PLCB1: variants seen among roughly 807,000 people sequenced by gnomAD.
PLCB1 encodes the protein phospholipase C beta 1, also known as 1-phosphatidylinositol 4,5-bisphosphate phosphodiesterase beta-1.
A neutral mutation model predicts 161.8 loss-of-function variants in PLCB1; 46 were observed. The ratio of observed to expected loss-of-function variants is 0.28; its 90% CI spans 0.22 to 0.36. The LOEUF is 0.36. PLCB1 is among the 10% of genes least tolerant of loss of function. PLCB1 has a pLI of 1.00. For synonymous variants in PLCB1, 517 were observed against 503.7 expected (o/e 1.03, Z -0.35); for missense variants, 1,016 against 1,472.5 (o/e 0.69, Z 5.07).
chr20:8,416,985 G>A (rs1331696814), intron 3 of PLCB1, among the ~76,000 whole-genome samples: 1 of 116,472 alleles, frequency 8.6e-6, no homozygotes, highest in Non-Finnish European at 1.7e-5. Flanking sequence ...CGCTTCAGCT[G>A]TAAACACATA....
chr20:8,512,225 T>C (rs17363289), intron 3 of PLCB1, among the ~76,000 whole-genome samples: 4 of 152,190 alleles, frequency 2.6e-5, no homozygotes, highest in Non-Finnish European at 5.9e-5. Flanking sequence ...TACGTTCTGA[T>C]TCATTGAAAT....
At chr20:8,493,265 A>G (rs1465569465) in intron 3 of PLCB1, among the ~76,000 whole-genome samples, 2 of 152,170 alleles carry the variant, frequency 1.3e-5, no homozygotes, top group Non-Finnish European at 2.9e-5. Context: ...TTTTTATTCT[A>G]TCATTTGGCT....
chr20:8,571,829 G>T (rs974890433), intron 3 of PLCB1, among the ~76,000 whole-genome samples: 1 of 152,106 alleles, frequency 6.6e-6, no homozygotes, highest in South Asian at 2.1e-4. Flanking sequence ...TTTAAAGCTC[G>T]GGGTGTCTGT....
chr20:8,375,625 A>T (rs1600354203), intron 3 of PLCB1, among the ~76,000 whole-genome samples: 1 of 152,182 alleles, frequency 6.6e-6, no homozygotes, highest in Admixed American at 6.5e-5. Context: ...CTTCAGCCTC[A>T]TGATTCTCAG....
intron 3 of PLCB1, among the ~76,000 whole-genome samples, chr20:8,572,509 A>ACCG (rs1231575740): frequency 2.0e-5 from 3 of 152,150 alleles, no homozygotes; most frequent in Non-Finnish European, 4.4e-5. Flanking sequence ...AGATGTGAGA[A>ACCG]CCTGGAGATG....
chr20:8,173,131 C>G (rs1396871937), intron 2 of PLCB1, among the ~76,000 whole-genome samples: 2 of 152,156 alleles, frequency 1.3e-5, no homozygotes, highest in African/African-American at 4.8e-5. Context: ...GTTGTACCAG[C>G]AAAAGGGGGC....
At chr20:8,663,216 C>G (rs1989729388) in intron 9 of PLCB1, among the ~76,000 whole-genome samples, 1 of 151,662 alleles carries the variant, frequency 6.6e-6, no homozygotes, top group African/African-American at 2.4e-5. Flanking sequence ...TAGATATACA[C>G]ACAACATATA....
At chr20:8,256,116 G>A (rs1459068627) in intron 2 of PLCB1, among the ~76,000 whole-genome samples, 2 of 151,962 alleles carry the variant, frequency 1.3e-5, no homozygotes, top group Non-Finnish European at 2.9e-5. Flanking sequence ...AGTCAACTAA[G>A]GACACATTTC....
In PLCB1 at chr20:8,883,801, AACTT is replaced by A. The variant is rs78940282; in HGVS notation, c.*1954_*1957del. The A allele has an allele frequency of 0.18, 27,231 of 152,346 alleles. 2,463 individuals carry two copies. The highest frequency in any genetic ancestry group is 0.27 in the South Asian group (1,289 of 4,810). The allele number at this position is 152,346 out of a possible 1,614,324, so 9.4% of individuals were successfully genotyped here. ...GGGGTGTTCATTAGACACTTAATAAAACTTAACTTCCAATGAAAAAGAAATCTTT... is the reference window on the plus strand; with the variant it reads ...GGGGTGTTCATTAGACACTTAATAAAAACTTCCAATGAAAAAGAAATCTTT... On this transcript the variant is annotated 3_prime_UTR_variant, in exon 32 of 32. Coordinates refer to ENST00000338037, the MANE Select transcript of PLCB1 (RefSeq NM_015192.4).
chr20:8,856,058 C>T (rs1987056276), intron 31 of PLCB1, among the ~76,000 whole-genome samples: 1 of 152,074 alleles, frequency 6.6e-6, no homozygotes, highest in African/African-American at 2.4e-5. Flanking sequence ...CTGGTTTCTC[C>T]CCCTCTGGTA....
At chr20:8,172,996 A>G (rs1400655746) in intron 2 of PLCB1, among the ~76,000 whole-genome samples, 1 of 152,204 alleles carries the variant, frequency 6.6e-6, no homozygotes, top group Non-Finnish European at 1.5e-5. Flanking sequence ...GCCCAGCACC[A>G]TTGGCAAAGG....
intron 31 of PLCB1, among the ~76,000 whole-genome samples, chr20:8,810,855 T>C (rs913763071): frequency 5.9e-5 from 9 of 152,212 alleles, no homozygotes; most frequent in Admixed American, 5.2e-4. Context: ...TCCCAGCTAC[T>C]TGGGGGGCTG....
rs75634201 is a variant in PLCB1 at position 8,708,173 on chromosome 20, A to G, written c.1168-497A>G. The stretch of plus-strand genomic sequence containing the variant: ...ACTGTACACTTTCAATGGGCAGATT[A>G]TATCTCAAAAAAGTCACATCTCAAT... On this transcript the variant is annotated intron_variant, in intron 11 of 31. Transcript: ENST00000338037. Among the ~76,000 whole-genome samples the G allele has an allele frequency of 6.7e-3, 1,025 of 152,278 alleles. 15 individuals carry two copies. Among genetic ancestry groups the G allele is most frequent in the African/African-American group, 0.023 (959 of 41,548 alleles).
At chr20:8,845,874 G>A (rs1040423508) in intron 31 of PLCB1, among the ~76,000 whole-genome samples, 4 of 152,170 alleles carry the variant, frequency 2.6e-5, no homozygotes, top group African/African-American at 9.7e-5. Context: ...CATTAAGTAC[G>A]CAATGCGGAC....
chr20:8,424,974 G>A (rs562591289), intron 3 of PLCB1, among the ~76,000 whole-genome samples: 3 of 152,126 alleles, frequency 2.0e-5, no homozygotes, highest in African/African-American at 4.8e-5. Context: ...TGGCCACTTC[G>A]TGCTCACCTC....
At chr20:8,260,860 C>A (rs1478281042) in intron 2 of PLCB1, among the ~76,000 whole-genome samples, 6 of 152,154 alleles carry the variant, frequency 3.9e-5, no homozygotes, top group African/African-American at 1.4e-4. Flanking sequence ...TGCCCCCATT[C>A]TCTGGCCAAC....
chr20:8,402,678 CAAA>C (rs34206983), intron 3 of PLCB1, among the ~76,000 whole-genome samples: 3 of 111,636 alleles, frequency 2.7e-5, no homozygotes, highest in Non-Finnish European at 1.9e-5. Context: ...ACTAAAAATA[CAAA>C]AAAAAAAAAA....
intron 16 of PLCB1, 50 bp from the exon 17 acceptor site, chr20:8,727,259 A>T (rs1474779060): frequency 1.2e-6 from 1 of 862,968 alleles, no homozygotes; most frequent in Non-Finnish European, 1.9e-6. Context: ...TATAACAATG[A>T]ATTGTATTTC....
At chr20:8,699,923 G>A (rs144979579) in intron 11 of PLCB1, among the ~76,000 whole-genome samples, 8 of 152,330 alleles carry the variant, frequency 5.3e-5, no homozygotes, top group African/African-American at 1.7e-4. Flanking sequence ...GTCTGTTCCT[G>A]AAATTGAGCA....
Sources: gnomAD v4.1 joint callset for allele counts (sites outside exome capture counted in the v4.1 genomes callset) on GRCh38, gnomAD v4.1.1 for gene constraint, MANE v1.5 for transcripts, NCBI Gene and HGNC (gene_info 2026-07-23, HGNC 2026-07-21) for gene names.